PCDHGC5: variants seen among roughly 807,000 people sequenced by gnomAD.
The protein encoded by PCDHGC5 is protocadherin gamma subfamily C, 5.
In PCDHGC5, 25 loss-of-function variants were observed where a neutral mutation model predicts 59.0. The observed-to-expected ratio is 0.42, with a 90% CI of 0.31 to 0.59. PCDHGC5 has a LOEUF of 0.59. Ranked by LOEUF, PCDHGC5 falls within the 20% of genes least tolerant of loss-of-function variation. The probability of loss-of-function intolerance (pLI) is 0.13; values close to 1 mark genes in which losing one functional copy is unlikely to be tolerated. For synonymous variants in PCDHGC5, 434 were observed against 505.5 expected (o/e 0.86, Z 1.90); for missense variants, 1,067 against 1,206.4 (o/e 0.88, Z 1.71).
intron 3 of PCDHGC5, among the ~76,000 whole-genome samples, chr5:141,506,454 A>G (rs2099853946): frequency 6.6e-6 from 1 of 151,844 alleles, no homozygotes; most frequent in African/African-American, 2.4e-5. Context: ...CAAAAAAAAA[A>G]AAAAAAAAAA....
chr5:141,501,182 C>A (rs531641143), intron 2 of PCDHGC5, among the ~76,000 whole-genome samples: 1 of 152,126 alleles, frequency 6.6e-6, no homozygotes, highest in Non-Finnish European at 1.5e-5. Context: ...TACATTTTAA[C>A]ACAATTAAAT....
At chr5:141,502,309 T>G (rs1395136136) in intron 2 of PCDHGC5, among the ~76,000 whole-genome samples, 2 of 152,196 alleles carry the variant, frequency 1.3e-5, no homozygotes, top group Admixed American at 6.5e-5. Flanking sequence ...TTTCCTCTCC[T>G]TTAATCTGGA....
chr5:141,489,348 G>T lies in PCDHGC5; in HGVS notation c.108G>T (p.Val36=). The change falls in exon 1 of 4, where the codon GTG becomes GTT. Residue 36 remains valine (V), a synonymous_variant. Coordinates refer to ENST00000252087, the MANE Select transcript of PCDHGC5 (RefSeq NM_018929.3). The surrounding 1 kb of genome is among the most constrained non-coding windows in gnomAD (Gnocchi z 4.5). ...CTGGGCAGCTTCGTTACTCAGTGGT[G>T]GAGGAGTCTGAGCCGGGGACGCTGG... is the stretch of plus-strand genomic sequence containing the variant. ...WVSGQLRYSV[V]EESEPGTLVG... is the part of the protein sequence containing the mutation. 1 of 1,611,876 alleles carries T rather than the reference G, an allele frequency of 6.2e-7. No homozygotes were observed. The highest frequency in any genetic ancestry group is 8.5e-7 in the Non-Finnish European group (1 of 1,178,502).
chr5:141,502,784 G>C (rs185608958), intron 2 of PCDHGC5, among the ~76,000 whole-genome samples: 1 of 151,804 alleles, frequency 6.6e-6, no homozygotes, highest in Non-Finnish European at 1.5e-5. Flanking sequence ...AAATTACCTG[G>C]ATGATTTCTT....
chr5:141,494,173 G>C (rs554811420), intron 1 of PCDHGC5, among the ~76,000 whole-genome samples: 2 of 152,304 alleles, frequency 1.3e-5, no homozygotes, highest in South Asian at 2.1e-4. Flanking sequence ...CTAGGGGTGA[G>C]AAGTGTCCCG....
Position 141,510,938 on chromosome 5 carries a change from T to A in PCDHGC5, c.2609-9T>A. 1 of 1,614,026 alleles carries A rather than the reference T, an allele frequency of 6.2e-7. No homozygotes were observed. Among genetic ancestry groups the A allele is most frequent in the Non-Finnish European group, 8.5e-7 (1 of 1,179,984 alleles). ...TTAGCTCCCACCTGATCTTCCTCTG[T>A]CTCTGCAGAAGCTGCTGATGGGAGC... On this transcript the variant is annotated splice_polypyrimidine_tract_variant and intron_variant, in intron 3 of 3. Coordinates refer to ENST00000252087, the MANE Select transcript of PCDHGC5 (RefSeq NM_018929.3).
In PCDHGC5 at chr5:141,493,548, G is replaced by A. The variant is rs1243278355; in HGVS notation, c.2461-1259G>A. 3.9e-5 allele frequency among the ~76,000 whole-genome samples: 6 copies of A among 152,196 alleles called. No homozygotes were observed. ...AAACTTGGCCAGTTATCCTTTTGGA[G>A]ATTGAGTTCCCCCAGCTCCGTTTCC... On this transcript the variant is annotated intron_variant, in intron 1 of 3. Coordinates refer to ENST00000252087, the MANE Select transcript of PCDHGC5 (RefSeq NM_018929.3). This position sits in a 1 kb window ranked among gnomAD's most constrained non-coding sequence, Gnocchi z 4.3.
chr5:141,497,824 T>G (rs1164705269), intron 2 of PCDHGC5, among the ~76,000 whole-genome samples: 1 of 152,086 alleles, frequency 6.6e-6, no homozygotes, highest in African/African-American at 2.4e-5. Flanking sequence ...ACAGGTGTGA[T>G]CGCCCCCGGC....
In PCDHGC5 at chr5:141,512,843, T is replaced by G. The variant is rs2099884463; in HGVS notation, c.*1670T>G. ...CCCTCCCCCGTACTGACTTCTCCTATAAGCGCTTCTCTTCGCATAGTCACG... is the reference window on the plus strand; with the variant it reads ...CCCTCCCCCGTACTGACTTCTCCTAGAAGCGCTTCTCTTCGCATAGTCACG... On this transcript the variant is annotated 3_prime_UTR_variant, in exon 4 of 4. Coordinates refer to ENST00000252087, the MANE Select transcript of PCDHGC5 (RefSeq NM_018929.3). 6.6e-6 allele frequency: 1 copy of G among 152,290 alleles called. No individual in the cohort carries two copies. The highest frequency in any genetic ancestry group is 1.5e-5 in the Non-Finnish European group (1 of 68,088). 9.4% of individuals were successfully genotyped at this position (152,290 alleles called of 1,614,324 possible).
chr5:141,497,084 G>A (rs1417389801), intron 2 of PCDHGC5, among the ~76,000 whole-genome samples: 1 of 152,098 alleles, frequency 6.6e-6, no homozygotes, highest in East Asian at 1.9e-4. Context: ...AGCGACTTAG[G>A]AGGCTGAGGC....
chr5:141,490,103 C>T lies in PCDHGC5; in HGVS notation c.863C>T (p.Ala288Val), dbSNP rs1012215533. ...TCTTTTGGAGACCACACATCTGAGG[C>T]AGTGCGGAACCTCTTTGGCCTAGAC... ...DYSFGDHTSE[A>V]VRNLFGLDPS... Residue 288 changes from alanine (A) to valine (V), a missense_variant, in exon 1 of 4, where the codon GCA (alanine) becomes GTA (valine). By Grantham distance (64) the Ala-to-Val change is moderately conservative. Coordinates refer to ENST00000252087, the MANE Select transcript of PCDHGC5 (RefSeq NM_018929.3). The surrounding 1 kb of genome is among the most constrained non-coding windows in gnomAD (Gnocchi z 5.4). The T allele has an allele frequency of 6.2e-7, 1 of 1,614,122 alleles. No homozygotes were observed. The highest frequency in any genetic ancestry group is 1.3e-5 in the African/African-American group (1 of 74,954).
rs902072815 is a variant in PCDHGC5, at chr5:141,495,024, C to A, written c.2519+159C>A. On this transcript the variant is annotated intron_variant, in intron 2 of 3. Coordinates refer to ENST00000252087, the MANE Select transcript of PCDHGC5 (RefSeq NM_018929.3). ...GGTGTGCGGGGGGCTGGCACACAGACCCCGGAAGGAAGAGGCGACTGCCCT... is the reference window on the plus strand; with the variant it reads ...GGTGTGCGGGGGGCTGGCACACAGAACCCGGAAGGAAGAGGCGACTGCCCT... The A allele has an allele frequency of 1.6e-5, 16 of 973,368 alleles. No homozygotes were observed. In the South Asian group the frequency reaches 5.7e-4, roughly 35 times the overall value. The allele number at this position is 973,368 out of a possible 1,614,324, so 60.3% of individuals were successfully genotyped here. A position where few individuals can be genotyped will look rare whatever the true frequency, so the allele number is the denominator to read the frequency against.
intron 2 of PCDHGC5, among the ~76,000 whole-genome samples, chr5:141,497,393 CT>C (rs1035907100): frequency 2.1e-4 from 32 of 152,254 alleles, no homozygotes; most frequent in African/African-American, 7.5e-4. Context: ...CACCTTACCC[CT>C]GCCTCAACTC....
At chr5:141,492,168 A>C (rs1426223836) in intron 1 of PCDHGC5, among the ~76,000 whole-genome samples, 1 of 152,108 alleles carries the variant, frequency 6.6e-6, no homozygotes, top group African/African-American at 2.4e-5. Context: ...CTATCCCCGC[A>C]TCACCCAACC....
chr5:141,493,021 G>C lies in PCDHGC5; in HGVS notation c.2460+1321G>C, dbSNP rs1261539371. On this transcript the variant is annotated intron_variant, in intron 1 of 3. Transcript: ENST00000252087. This position sits in a 1 kb window ranked among gnomAD's most constrained non-coding sequence, Gnocchi z 4.3. ...AGCTATAGGCTCTGCCAGATGCCAG[G>C]GTGCCCTTATGTGTGAGGAAACTAC... Among the ~76,000 whole-genome samples, 1 of 152,180 alleles carries C rather than the reference G, an allele frequency of 6.6e-6. No individual in the cohort carries two copies. The highest frequency in any genetic ancestry group is 6.5e-5 in the Admixed American group (1 of 15,284).
chr5:141,511,028 T>C lies in PCDHGC5; in HGVS notation c.2690T>C (p.Leu897Pro). ...GCCCGCTACGGACCCCAGTTCACCC[T>C]GCAGCACGTGCCCGACTACCGCCAG... ...LSARYGPQFTLQHVPDYRQNV... is the reference protein window; with the variant it reads ...LSARYGPQFTPQHVPDYRQNV... The change falls in exon 4 of 4, where the codon CTG becomes CCG. Residue 897 changes from leucine (L) to proline (P), a missense_variant. Leu to Pro is a moderately conservative substitution (Grantham distance 98, BLOSUM62 -3). Transcript: ENST00000252087. 1 of 1,614,202 alleles carries C rather than the reference T, an allele frequency of 6.2e-7. No homozygotes were observed. Among genetic ancestry groups the C allele is most frequent in the Non-Finnish European group, 8.5e-7 (1 of 1,180,028 alleles).
In PCDHGC5 at chr5:141,511,774, T is replaced by C. The variant is rs1173144009; in HGVS notation, c.*601T>C. 6.2e-6 allele frequency: 1 copy of C among 160,350 alleles called. No homozygotes were observed. The highest frequency in any genetic ancestry group is 1.4e-5 in the Non-Finnish European group (1 of 72,132). The allele number at this position is 160,350 out of a possible 1,614,324, so 9.9% of individuals were successfully genotyped here. A position where few individuals can be genotyped will look rare whatever the true frequency, so the allele number is the denominator to read the frequency against. On this transcript the variant is annotated 3_prime_UTR_variant, in exon 4 of 4. Coordinates refer to ENST00000252087, the MANE Select transcript of PCDHGC5 (RefSeq NM_018929.3). ...ATGATCACCATCCCCATGGTACTGA[T>C]GCTTGCTGGATTTAGGGAGGGCATT...
At position 141,493,332 on chromosome 5, in the gene PCDHGC5, C is replaced by T. The variant is rs2099747680; in HGVS notation, c.2461-1475C>T. 6.6e-6 allele frequency among the ~76,000 whole-genome samples: 1 copy of T among 152,210 alleles called. No homozygotes were observed. The highest frequency in any genetic ancestry group is 1.5e-5 in the Non-Finnish European group (1 of 68,036). Reference sequence around the variant, plus strand: ...AAGAGAGATTCTAACCCCTGTCTAACTCCAGAATGTGTGCTTTTAATTTCT... The same window carrying T: ...AAGAGAGATTCTAACCCCTGTCTAATTCCAGAATGTGTGCTTTTAATTTCT... On this transcript the variant is annotated intron_variant, in intron 1 of 3. Transcript: ENST00000252087. This position sits in a 1 kb window ranked among gnomAD's most constrained non-coding sequence, Gnocchi z 4.3.
At position 141,490,162 on chromosome 5, in the gene PCDHGC5, A is replaced by G. The variant is rs1371128858; in HGVS notation, c.922A>G (p.Ile308Val). The G allele has an allele frequency of 1.2e-6, 2 of 1,614,218 alleles. No individual in the cohort carries two copies. The highest frequency in any genetic ancestry group is 1.7e-6 in the Non-Finnish European group (2 of 1,180,028). ...TGGGGCAATCCATGTGTTGGGTCCCATAGACTTTGAGGAGTCACGTTTCTA... is the reference window on the plus strand; with the variant it reads ...TGGGGCAATCCATGTGTTGGGTCCCGTAGACTTTGAGGAGTCACGTTTCTA... ...SSGAIHVLGP[I>V]DFEESRFYEI... The change falls in exon 1 of 4, where the codon ATA (isoleucine) becomes GTA (valine). Residue 308 changes from isoleucine (I) to valine (V), a missense_variant. Transcript: ENST00000252087. This position sits in a 1 kb window ranked among gnomAD's most constrained non-coding sequence, Gnocchi z 5.4.
Sources: allele counts gnomAD v4.1 joint callset (sites outside exome capture counted in the v4.1 genomes callset), GRCh38; gene constraint gnomAD v4.1.1; non-coding constraint Gnocchi (gnomAD v3.1); transcripts MANE v1.5; gene names NCBI Gene and HGNC (gene_info 2026-07-23, HGNC 2026-07-21).